Variants in MFSD8 observed in about 807,000 individuals in gnomAD.
MFSD8 encodes major facilitator superfamily domain-containing protein 8.
A neutral mutation model predicts 66.4 loss-of-function variants in MFSD8; 55 were observed. The observed-to-expected ratio is 0.83, with a 90% CI of 0.67 to 1.04. The LOEUF is 1.04. Among genes scored for constraint, MFSD8 ranks in the 50% least tolerant of loss-of-function variants. MFSD8 has a pLI of 0.00. For synonymous variants in MFSD8, 202 were observed against 212.8 expected (o/e 0.95, Z 0.44); for missense variants, 550 against 627.6 (o/e 0.88, Z 1.32).
At position 127,930,800 on chromosome 4, in the gene MFSD8, G is replaced by A. The variant is rs140948465; in HGVS notation, c.881C>T (p.Thr294Ile). ...ALFETIITPL[T>I]MDMYAWTQEQ... is the part of the protein sequence containing the mutation. ...TTGAGTCCAGGCATACATATCCATT[G>A]TTAATGGAGTAATGATGCTAAGAAA... Residue 294 changes from threonine (T) to isoleucine (I), a missense_variant, in exon 9 of 12, where the codon ACA becomes ATA. By Grantham distance (89) the Thr-to-Ile change is moderately conservative. Coordinates refer to ENST00000641686, the MANE Select transcript of MFSD8 (RefSeq NM_001371596.2). 13 of 1,609,022 alleles carry A rather than the reference G, an allele frequency of 8.1e-6. No homozygotes were observed. Among genetic ancestry groups the A allele is most frequent in the African/African-American group, 2.7e-5 (2 of 74,632 alleles).
intron 2 of MFSD8, among the ~76,000 whole-genome samples, chr4:127,952,331 G>A (rs1742132191): frequency 6.6e-6 from 1 of 152,026 alleles, no homozygotes; most frequent in South Asian, 2.1e-4. Context: ...GAGAACCCGG[G>A]AGGCGAAGCT....
At position 127,917,954 on chromosome 4, in the gene MFSD8, A is replaced by C. The variant is rs975351204; in HGVS notation, c.*2676T>G. On this transcript the variant is annotated 3_prime_UTR_variant, in exon 12 of 12. Coordinates refer to ENST00000641686, the MANE Select transcript of MFSD8 (RefSeq NM_001371596.2). Reference sequence around the variant, plus strand: ...ATCTATTCTTAAACAGATGCAGGTAAGTAGTTTATCCTTGTCAAAACAAAA... The same window carrying C: ...ATCTATTCTTAAACAGATGCAGGTACGTAGTTTATCCTTGTCAAAACAAAA... The C allele has an allele frequency of 1.3e-5, 2 of 152,236 alleles. No homozygotes were observed. Among genetic ancestry groups the C allele is most frequent in the Non-Finnish European group, 2.9e-5 (2 of 68,046 alleles). The allele number at this position is 152,236 out of a possible 1,614,324, so 9.4% of individuals were successfully genotyped here.
intron 9 of MFSD8, among the ~76,000 whole-genome samples, chr4:127,923,593 T>TATTATA (rs1478394417): frequency 6.8e-6 from 1 of 146,834 alleles, no homozygotes; most frequent in East Asian, 2.0e-4. Context: ...TTATTATTAT[T>TATTATA]ATTTGAGACA....
intron 3 of MFSD8, among the ~76,000 whole-genome samples, chr4:127,944,918 C>A (rs1049218608): frequency 6.6e-6 from 1 of 152,190 alleles, no homozygotes; most frequent in East Asian, 1.9e-4. Flanking sequence ...ATCCTCCTGC[C>A]GCGGGAGGGA....
In MFSD8 at chr4:127,957,562, A is replaced by G; in HGVS notation, c.93T>C (p.His31=). Residue 31 remains histidine, a synonymous_variant, in exon 2 of 12, where the codon CAT becomes CAC. Transcript: ENST00000641686. ...REWDILETEE[H]YKSRWRSIRI... Reference sequence around the variant, plus strand: ...TAATAGATCTCCATCGGCTCTTATAATGCTCTTCAGTCTCTAAAATGTCCC... The same window carrying G: ...TAATAGATCTCCATCGGCTCTTATAGTGCTCTTCAGTCTCTAAAATGTCCC... The G allele has an allele frequency of 1.9e-6, 3 of 1,611,932 alleles. No homozygotes were observed. The highest frequency in any genetic ancestry group is 1.7e-6 in the Non-Finnish European group (2 of 1,178,408).
chr4:127,921,952 C>A lies in MFSD8; in HGVS notation c.1010G>T (p.Arg337Leu). ...VKLLSKKIGERAILLGGLIVV... is the reference protein window; with the variant it reads ...VKLLSKKIGELAILLGGLIVV... ...GATGAGTCCTCCCAGTAGAATAGCA[C>A]GCTCGCCAATCCTGTTAAAGAACAG... Residue 337 changes from arginine to leucine, a missense_variant, in exon 10 of 12, where the codon CGT becomes CTT. Coordinates refer to ENST00000641686, the MANE Select transcript of MFSD8 (RefSeq NM_001371596.2). 1 of 1,613,930 alleles carries A rather than the reference C, an allele frequency of 6.2e-7. No individual in the cohort carries two copies. Among genetic ancestry groups the A allele is most frequent in the Non-Finnish European group, 8.5e-7 (1 of 1,179,922 alleles).
chr4:127,954,268 T>G (rs962631186), intron 2 of MFSD8, among the ~76,000 whole-genome samples: 15 of 152,208 alleles, frequency 9.9e-5, no homozygotes, highest in Non-Finnish European at 1.8e-4. Context: ...GATTCTTGTA[T>G]TTTACTTTTT....
intron 2 of MFSD8, among the ~76,000 whole-genome samples, chr4:127,952,912 C>CT (rs1217520809): frequency 6.8e-6 from 1 of 146,920 alleles, no homozygotes; most frequent in Non-Finnish European, 1.5e-5. Context: ...AAATAATTTT[C>CT]TTTTTTTGCT....
At chr4:127,941,816 TTC>T (rs992545046) in intron 5 of MFSD8, among the ~76,000 whole-genome samples, 2 of 152,112 alleles carry the variant, frequency 1.3e-5, no homozygotes, top group African/African-American at 4.8e-5. Context: ...TTTACTTAGA[TTC>T]TCTATGCACT....
rs114253079 is a variant in MFSD8, at chr4:127,935,004, C to T, written c.755-1911G>A. The stretch of plus-strand genomic sequence containing the variant: ...TTCTATGATTTTTTTCATAATAATG[C>T]CTGCTTTTCTATCTCAGGATTCTTG... On this transcript the variant is annotated intron_variant, in intron 7 of 11. Transcript: ENST00000641686. Among the ~76,000 whole-genome samples the T allele has an allele frequency of 6.4e-3, 975 of 152,138 alleles. 14 individuals are homozygous for T. Among genetic ancestry groups the T allele is most frequent in the African/African-American group, 0.022 (914 of 41,508 alleles).
chr4:127,957,639 G>A (rs1560776604), intron 1 of MFSD8, 47 bp from the exon 2 acceptor site: 1 of 1,295,544 alleles, frequency 7.7e-7, no homozygotes, highest in Non-Finnish European at 1.1e-6. Flanking sequence ...CTCATTACAT[G>A]TGGATCTTAA....
chr4:127,965,228 A>G, upstream of MFSD8: 1 of 1,494,674 alleles, frequency 6.7e-7, no homozygotes, highest in Non-Finnish European at 9.2e-7. Flanking sequence ...CAAGCCTGTA[A>G]GTGCGCGTGC....
At chr4:127,955,215 A>C (rs1742645099) in intron 2 of MFSD8, among the ~76,000 whole-genome samples, 2 of 152,198 alleles carry the variant, frequency 1.3e-5, no homozygotes, top group Admixed American at 1.3e-4. Context: ...AACAGCCAAG[A>C]GGTGGAAGCA....
chr4:127,930,543 G>A, intron 9 of MFSD8, 140 bp downstream of exon 9: 1 of 937,854 alleles, frequency 1.1e-6, no homozygotes, highest in South Asian at 1.7e-5. Context: ...ATAGAAATAT[G>A]ATAATCTCTT....
chr4:127,953,394 A>C lies in MFSD8; in HGVS notation c.155-3547T>G, dbSNP rs927786455. On this transcript the variant is annotated intron_variant, in intron 2 of 11. Coordinates refer to ENST00000641686, the MANE Select transcript of MFSD8 (RefSeq NM_001371596.2). ...TCCCAACTACTTGGAAGGCTGAGGC[A>C]GGAGAATCGTTTCAACACGGGAGGC... is the stretch of plus-strand genomic sequence containing the variant. 4.0e-5 allele frequency among the ~76,000 whole-genome samples: 6 copies of C among 151,586 alleles called. No homozygotes were observed. The South Asian group carries it at 1.3e-3, about 32-fold the overall frequency.
chr4:127,954,846 C>A (rs1742588695), intron 2 of MFSD8, among the ~76,000 whole-genome samples: 1 of 152,146 alleles, frequency 6.6e-6, no homozygotes, highest in Non-Finnish European at 1.5e-5. Context: ...AAACACTTCT[C>A]CAAAGAAGAT....
At chr4:127,924,032 G>A (rs531883581) in intron 9 of MFSD8, among the ~76,000 whole-genome samples, 65 of 152,168 alleles carry the variant, frequency 4.3e-4, no homozygotes, top group South Asian at 1.9e-3. Flanking sequence ...CTTCTTCTAC[G>A]GTTTGGCATA....
chr4:127,929,322 CAAAAAA>C (rs543453360), intron 9 of MFSD8, among the ~76,000 whole-genome samples: 214 of 30,302 alleles, frequency 7.1e-3, no homozygotes, highest in African/African-American at 0.039. Context: ...GACTCCGTCA[CAAAAAA>C]AAAAAAAAAA....
intron 2 of MFSD8, 82 bp downstream of exon 2, chr4:127,957,419 G>T: frequency 1.0e-6 from 1 of 977,588 alleles, no homozygotes; most frequent in Non-Finnish European, 1.6e-6. Context: ...AATTTCAGAG[G>T]CAATGAAAGT....
Sources: allele counts gnomAD v4.1 joint callset (sites outside exome capture counted in the v4.1 genomes callset), GRCh38; gene constraint gnomAD v4.1.1; transcripts MANE v1.5; gene names NCBI Gene and HGNC (gene_info 2026-07-23, HGNC 2026-07-21).